The following BNC2 variants were observed in gnomAD, a reference collection of about 807,000 sequenced individuals.
BNC2 encodes basonuclin zinc finger protein 2.
In BNC2, 20 loss-of-function variants were observed where a neutral mutation model predicts 76.3. The ratio of observed to expected loss-of-function variants is 0.26; its 90% CI spans 0.18 to 0.38. The LOEUF (loss-of-function observed/expected upper bound fraction) is 0.38, where lower values mean the gene tolerates loss of function less well. Ranked by LOEUF, BNC2 falls within the 10% of genes least tolerant of loss-of-function variation. The pLI, the probability that BNC2 is intolerant of heterozygous loss-of-function variation, is 1.00. For missense variants in BNC2, 1,382 were observed against 1,399.8 expected (o/e 0.99, Z 0.20); for synonymous variants, 582 against 514.8 (o/e 1.13, Z -1.77).
chr9:16,426,657 T>A (rs1368074583), intron 6 of BNC2, among the ~76,000 whole-genome samples: 2 of 152,176 alleles, frequency 1.3e-5, no homozygotes, highest in Non-Finnish European at 2.9e-5. Flanking sequence ...TTTACAACTT[T>A]GATTAAATGT....
At chr9:16,497,978 G>GGTGTGTGTGTGTGTGT (rs34523754) in intron 5 of BNC2, among the ~76,000 whole-genome samples, 21 of 134,868 alleles carry the variant, frequency 1.6e-4, no homozygotes, top group South Asian at 7.7e-4. Context: ...AAGAAACTGT[G>GGTGTGTGTGTGTGTGT]GTGTGTGTGT....
intron 3 of BNC2, among the ~76,000 whole-genome samples, chr9:16,693,901 AG>A (rs2134456101): frequency 6.6e-6 from 1 of 152,340 alleles, no homozygotes; most frequent in Non-Finnish European, 1.5e-5. Flanking sequence ...AAAATGATCC[AG>A]GTCAACTTGA....
chr9:16,543,914 C>T (rs1173890367), intron 5 of BNC2, among the ~76,000 whole-genome samples: 1 of 152,170 alleles, frequency 6.6e-6, no homozygotes, highest in African/African-American at 2.4e-5. Context: ...ACTATAAATA[C>T]AACACACTGC....
chr9:16,870,543 G>A (rs541195819), intron 1 of BNC2, 103 bp downstream of exon 1: 6 of 1,381,480 alleles, frequency 4.3e-6, no homozygotes, highest in African/African-American at 3.0e-5. Context: ...CCGCGGGCCG[G>A]AGGGCGGACA....
intron 5 of BNC2, among the ~76,000 whole-genome samples, chr9:16,492,101 T>C (rs1563808326): frequency 6.6e-6 from 1 of 152,158 alleles, no homozygotes; most frequent in Non-Finnish European, 1.5e-5. Context: ...AAAATTAAGT[T>C]GAATGCTTTA....
chr9:16,690,462 T>TATACATACATACATAC (rs138085453), intron 3 of BNC2, among the ~76,000 whole-genome samples: 4 of 151,602 alleles, frequency 2.6e-5, no homozygotes, highest in East Asian at 2.0e-4. Context: ...GTCTCAAATA[T>TATACATACATACATAC]ATACATACAT....
intron 1 of BNC2, among the ~76,000 whole-genome samples, chr9:16,828,750 A>T (rs1818509439): frequency 6.6e-6 from 1 of 152,226 alleles, no homozygotes; most frequent in Non-Finnish European, 1.5e-5. Flanking sequence ...CCCCCTGGTT[A>T]GCTCCAGCTA....
intron 1 of BNC2, among the ~76,000 whole-genome samples, chr9:16,782,688 G>T (rs1299514775): frequency 6.6e-6 from 1 of 152,074 alleles, no homozygotes; most frequent in East Asian, 1.9e-4. Flanking sequence ...TGGGCTTAGG[G>T]GTTCCACACC....
chr9:16,494,177 G>T (rs561846635), intron 5 of BNC2, among the ~76,000 whole-genome samples: 1 of 151,524 alleles, frequency 6.6e-6, no homozygotes, highest in Admixed American at 6.6e-5. Context: ...TTTTGGAGAC[G>T]GAGTCTTGCT....
At chr9:16,621,661 G>A (rs1820870846) in intron 3 of BNC2, among the ~76,000 whole-genome samples, 1 of 152,134 alleles carries the variant, frequency 6.6e-6, no homozygotes, top group South Asian at 2.1e-4. Context: ...GTGGTGGAAA[G>A]AAAATTGGAC....
chr9:16,787,639 G>A (rs1826332701), intron 1 of BNC2, among the ~76,000 whole-genome samples: 1 of 152,138 alleles, frequency 6.6e-6, no homozygotes, highest in Non-Finnish European at 1.5e-5. Context: ...TTTTTGTGGT[G>A]AATCACCTAA....
At chr9:16,803,739 T>C (rs886576674) in intron 1 of BNC2, among the ~76,000 whole-genome samples, 3 of 152,236 alleles carry the variant, frequency 2.0e-5, no homozygotes, top group Non-Finnish European at 4.4e-5. Flanking sequence ...CAATATTCCC[T>C]ACGTTTCTGA....
chr9:16,690,560 G>T (rs1274824662), intron 3 of BNC2, among the ~76,000 whole-genome samples: 1 of 152,146 alleles, frequency 6.6e-6, no homozygotes, highest in Non-Finnish European at 1.5e-5. Context: ...ATACAACACA[G>T]TACTTATCCA....
At chr9:16,507,765 A>G (rs1822663237) in intron 5 of BNC2, among the ~76,000 whole-genome samples, 1 of 152,144 alleles carries the variant, frequency 6.6e-6, no homozygotes, top group African/African-American at 2.4e-5. Context: ...CAACTTGCTC[A>G]TATAGTAGGT....
intron 2 of BNC2, among the ~76,000 whole-genome samples, chr9:16,734,892 T>C (rs1418386618): frequency 1.3e-5 from 2 of 152,160 alleles, no homozygotes; most frequent in South Asian, 2.1e-4. Flanking sequence ...ACATCCTCCA[T>C]AACTAAATAT....
chr9:16,546,918 T>C (rs1818501204), intron 5 of BNC2, among the ~76,000 whole-genome samples: 2 of 152,204 alleles, frequency 1.3e-5, no homozygotes, highest in African/African-American at 4.8e-5. Context: ...ACATCCTCCT[T>C]CCAATATTTA....
Position 16,822,654 on chromosome 9 carries a change from CCCAAACGT to C in BNC2, c.3+47984_3+47991del, listed in dbSNP as rs1382826451. On this transcript the variant is annotated intron_variant, in intron 1 of 6. Coordinates refer to ENST00000380672, the MANE Select transcript of BNC2 (RefSeq NM_017637.6). Reference sequence around the variant, plus strand: ...AAAACACCAAAGTTGTTGTCATTTGCCCAAACGTGTCAAATGCAATAAAGCAAATTCAC... The same window carrying C: ...AAAACACCAAAGTTGTTGTCATTTGCGTCAAATGCAATAAAGCAAATTCAC... Among the ~76,000 whole-genome samples the C allele has an allele frequency of 2.6e-5, 4 of 152,096 alleles. No individual in the cohort carries two copies. In the East Asian group the frequency reaches 5.8e-4, roughly 22 times the overall value.
intron 3 of BNC2, among the ~76,000 whole-genome samples, chr9:16,600,916 A>T (rs189830043): frequency 2.0e-5 from 3 of 152,318 alleles, no homozygotes; most frequent in Non-Finnish European, 2.9e-5. Context: ...TAGAAATGTA[A>T]AATATGTGCT....
intron 3 of BNC2, among the ~76,000 whole-genome samples, chr9:16,615,364 A>G (rs891020048): frequency 6.6e-6 from 1 of 152,146 alleles, no homozygotes; most frequent in Admixed American, 6.5e-5. Flanking sequence ...AATATTTAAG[A>G]TTAAGAGTTT....
Sources: allele counts gnomAD v4.1 joint callset (sites outside exome capture counted in the v4.1 genomes callset), GRCh38; gene constraint gnomAD v4.1.1; transcripts MANE v1.5; gene names NCBI Gene and HGNC (gene_info 2026-07-23, HGNC 2026-07-21).